Variants in DIP2C observed in about 807,000 individuals in gnomAD.
DIP2C encodes the protein DIP2 acetate--CoA ligase C (putative).
In DIP2C, 33 loss-of-function variants were observed where a neutral mutation model predicts 192.4. The observed-to-expected ratio is 0.17, with a 90% CI of 0.13 to 0.23. The LOEUF (loss-of-function observed/expected upper bound fraction) is 0.23. Ranked by LOEUF, DIP2C falls within the 10% of genes least tolerant of loss-of-function variation. The pLI is 1.00. For synonymous variants in DIP2C, 979 were observed against 864.1 expected, an observed-to-expected ratio of 1.13 and a Z score of -2.33; for missense variants, 1,537 against 2,110.1, an observed-to-expected ratio of 0.73 and a Z score of 5.32.
intron 5 of DIP2C, among the ~76,000 whole-genome samples, chr10:420,726 G>GA (rs1966127708): frequency 6.6e-6 from 1 of 152,158 alleles, no homozygotes; most frequent in African/African-American, 2.4e-5. Context: ...TAAATTGGTG[G>GA]AAAAAATCCA....
chr10:428,276 C>G lies in DIP2C; in HGVS notation c.395-5243G>C, dbSNP rs532332330. ...GTCCTTTCTTTTTCATAGAGCTAAC[C>G]TTTCATCTGATAGCATTTGCAATCA... On this transcript the variant is annotated intron_variant, in intron 4 of 36. Transcript: ENST00000280886. Among the ~76,000 whole-genome samples, 298 of 152,164 alleles carry G rather than the reference C, an allele frequency of 2.0e-3. 1 individual carries two copies. Among genetic ancestry groups the G allele is most frequent in the Middle Eastern group, 0.01 (3 of 294 alleles).
intron 3 of DIP2C, among the ~76,000 whole-genome samples, chr10:467,532 A>C (rs1970309499): frequency 5.3e-5 from 2 of 38,086 alleles, no homozygotes; most frequent in South Asian, 5.3e-3. Flanking sequence ...AAAGTATAAA[A>C]AAAAAATAAA....
At chr10:310,983 T>C (rs1052400260) in intron 31 of DIP2C, among the ~76,000 whole-genome samples, 1 of 151,990 alleles carries the variant, frequency 6.6e-6, no homozygotes, top group Non-Finnish European at 1.5e-5. Context: ...TTCCAATTTT[T>C]GTACTAAAGG....
chr10:395,334 CAG>C (rs1361770772), intron 10 of DIP2C, among the ~76,000 whole-genome samples: 1 of 152,138 alleles, frequency 6.6e-6, no homozygotes, highest in Non-Finnish European at 1.5e-5. Context: ...AGCAAGGTGA[CAG>C]ATATGTTAAT....
chr10:323,313 CCGGCGCTGTTAGAA>C (rs2132411925), intron 31 of DIP2C, among the ~76,000 whole-genome samples: 2 of 116,866 alleles, frequency 1.7e-5, no homozygotes, highest in African/African-American at 7.0e-5. Flanking sequence ...CAGCGAGAGA[CCGGCGCTGTTAGAA>C]CAGTCAGTCG....
Position 381,796 on chromosome 10 carries a change from A to C in DIP2C, c.1991+851T>G, listed in dbSNP as rs61836788. Among the ~76,000 whole-genome samples, 872 of 152,298 alleles carry C rather than the reference A, an allele frequency of 5.7e-3. 8 individuals carry two copies. Among genetic ancestry groups the C allele is most frequent in the Middle Eastern group, 0.017 (5 of 294 alleles). On this transcript the variant is annotated intron_variant, in intron 17 of 36. Transcript: ENST00000280886. ...TACACTCCAGAGCTCACCCCACAGG[A>C]AAGGAATGGTCCTTCTCTTCCCCAC...
chr10:527,890 C>T (rs1847149557), intron 1 of DIP2C, among the ~76,000 whole-genome samples: 2 of 152,204 alleles, frequency 1.3e-5, no homozygotes, highest in South Asian at 4.1e-4. Flanking sequence ...TGTTCACCAA[C>T]ATCCATCGTC....
chr10:376,853 G>A (rs1300784804), intron 17 of DIP2C, among the ~76,000 whole-genome samples: 3 of 152,148 alleles, frequency 2.0e-5, no homozygotes, highest in Admixed American at 6.5e-5. Flanking sequence ...CAGGAAACAC[G>A]CACCGCGAGG....
intron 4 of DIP2C, among the ~76,000 whole-genome samples, chr10:432,474 T>C (rs1295167598): frequency 6.6e-6 from 1 of 152,128 alleles, no homozygotes; most frequent in Non-Finnish European, 1.5e-5. Flanking sequence ...GGCCATAGAG[T>C]TTTTCATAAT....
intron 1 of DIP2C, among the ~76,000 whole-genome samples, chr10:521,199 G>A (rs1365716919): frequency 6.6e-6 from 1 of 152,078 alleles, no homozygotes; most frequent in Non-Finnish European, 1.5e-5. Context: ...AGCAGATCAA[G>A]CATCAGCTCT....
intron 1 of DIP2C, among the ~76,000 whole-genome samples, chr10:656,817 G>A (rs1007937197): frequency 6.6e-6 from 1 of 152,192 alleles, no homozygotes; most frequent in African/African-American, 2.4e-5. Context: ...CAGGTACCAA[G>A]GCTCTGGCAC....
intron 1 of DIP2C, among the ~76,000 whole-genome samples, chr10:507,314 A>G (rs575107348): frequency 6.8e-6 from 1 of 146,620 alleles, no homozygotes; most frequent in Admixed American, 6.9e-5. Context: ...CCAGCTGCAC[A>G]CAATCAGAAG....
intron 1 of DIP2C, among the ~76,000 whole-genome samples, chr10:575,782 G>T (rs527975388): frequency 6.6e-6 from 1 of 152,318 alleles, no homozygotes; most frequent in South Asian, 2.1e-4. Context: ...AGAGCCAGGG[G>T]CACAGTTTCC....
At chr10:302,022 C>A (rs912054016) in intron 32 of DIP2C, among the ~76,000 whole-genome samples, 1 of 152,050 alleles carries the variant, frequency 6.6e-6, no homozygotes, top group Non-Finnish European at 1.5e-5. Context: ...TTGTGAAAGC[C>A]CTACTGTCCC....
At chr10:369,814 G>T in intron 17 of DIP2C, 181 bp from the exon 18 acceptor site, 1 of 1,299,732 alleles carries the variant, frequency 7.7e-7, no homozygotes, top group Non-Finnish European at 1.1e-6. Context: ...ATGAACAGCT[G>T]GCAGCGAGTC....
intron 1 of DIP2C, among the ~76,000 whole-genome samples, chr10:644,318 A>T (rs1034479856): frequency 9.9e-5 from 15 of 152,216 alleles, no homozygotes; most frequent in African/African-American, 3.1e-4. Flanking sequence ...TGACTAATTA[A>T]ACCCTGACAG....
chr10:286,146 CAT>C lies in DIP2C; in HGVS notation c.4119+125_4119+126del. 3.6e-6 allele frequency: 3 copies of C among 841,908 alleles called. No homozygotes were observed. The South Asian group carries it at 4.9e-5, about 14-fold the overall frequency. The allele number at this position is 841,908 out of a possible 1,614,324, so 52.2% of individuals were successfully genotyped here. A position where few individuals can be genotyped will look rare whatever the true frequency, so the allele number is the denominator to read the frequency against. Reference sequence around the variant, plus strand: ...TACCTCACGCTATTTCCCAGGCAATCATAACTCACTCAGCTCAAACCGGTGTG... The same window carrying C: ...TACCTCACGCTATTTCCCAGGCAATCAACTCACTCAGCTCAAACCGGTGTG... On this transcript the variant is annotated intron_variant, in intron 34 of 36. Transcript: ENST00000280886.
At chr10:566,066 A>G (rs1025197257) in intron 1 of DIP2C, among the ~76,000 whole-genome samples, 11 of 152,234 alleles carry the variant, frequency 7.2e-5, no homozygotes, top group African/African-American at 2.7e-4. Flanking sequence ...AACAAAACAA[A>G]AAAACCACGT....
chr10:530,617 A>G (rs1274012635), intron 1 of DIP2C, among the ~76,000 whole-genome samples: 1 of 149,302 alleles, frequency 6.7e-6, no homozygotes, highest in Non-Finnish European at 1.5e-5. Context: ...CAGGAGTTCA[A>G]GATTAGCCTG....
Sources: allele counts gnomAD v4.1 joint callset (sites outside exome capture counted in the v4.1 genomes callset), GRCh38; gene constraint gnomAD v4.1.1; transcripts MANE v1.5; gene names NCBI Gene and HGNC (gene_info 2026-07-23, HGNC 2026-07-21).